The following SPHKAP variants were observed in gnomAD, a reference collection of about 807,000 sequenced individuals.
SPHKAP encodes the protein SPHK1 interactor, AKAP domain containing.
In SPHKAP, 67 loss-of-function variants were observed where a neutral mutation model predicts 137.5. The observed-to-expected ratio is 0.49, with a 90% CI of 0.40 to 0.60. SPHKAP has a LOEUF of 0.60. Ranked by LOEUF, SPHKAP falls within the 20% of genes least tolerant of loss-of-function variation. The pLI, the probability that SPHKAP is intolerant of heterozygous loss-of-function variation, is 0.00. For synonymous variants in SPHKAP, 813 were observed against 785.3 expected (o/e 1.04, Z -0.59); for missense variants, 2,097 against 2,069.3 (o/e 1.01, Z -0.26).
At chr2:227,983,267 T>C (rs938876700) in intron 11 of SPHKAP, among the ~76,000 whole-genome samples, 1 of 152,200 alleles carries the variant, frequency 6.6e-6, no homozygotes, top group African/African-American at 2.4e-5. Flanking sequence ...ATGTTTCTTC[T>C]CCCAGCTGTG....
chr2:228,027,985 A>C, intron 3 of SPHKAP: 1 of 981,688 alleles, frequency 1.0e-6, no homozygotes, highest in Non-Finnish European at 1.2e-6. Context: ...AAGAAAAAAG[A>C]AAAAAAGAAA....
Position 228,031,685 on chromosome 2 carries a change from C to A in SPHKAP, c.247-4142G>T, listed in dbSNP as rs150856166. 3.3e-4 allele frequency among the ~76,000 whole-genome samples: 51 copies of A among 152,322 alleles called. No individual in the cohort carries two copies. In the East Asian group the frequency reaches 6.2e-3, roughly 18 times the overall value. ...GAGACAAAACTTCTAGAAGAACGAT[C>A]AGGCAGCAGCATTTGCAGTTCACCA... On this transcript the variant is annotated intron_variant, in intron 3 of 11. Transcript: ENST00000392056.
At chr2:228,031,284 G>A (rs1045624074) in intron 3 of SPHKAP, among the ~76,000 whole-genome samples, 12 of 152,172 alleles carry the variant, frequency 7.9e-5, no homozygotes, top group African/African-American at 2.4e-5. Flanking sequence ...ACAGCAGTCT[G>A]AGATCAAACT....
intron 11 of SPHKAP, among the ~76,000 whole-genome samples, chr2:227,988,311 T>C (rs1423782829): frequency 6.6e-6 from 1 of 152,240 alleles, no homozygotes; most frequent in Non-Finnish European, 1.5e-5. Context: ...TTACATTATT[T>C]AGAATTAAGT....
intron 1 of SPHKAP, among the ~76,000 whole-genome samples, chr2:228,137,068 G>T (rs1049614026): frequency 5.3e-5 from 8 of 151,900 alleles, no homozygotes; most frequent in African/African-American, 1.7e-4. Flanking sequence ...CTCCTGCCTC[G>T]TTCCCACCCA....
intron 1 of SPHKAP, among the ~76,000 whole-genome samples, chr2:228,171,639 A>G (rs1700587441): frequency 6.6e-6 from 1 of 152,150 alleles, no homozygotes; most frequent in South Asian, 2.1e-4. Context: ...TGGAATGAGT[A>G]TCAACTTCCT....
rs4356657 is a variant in SPHKAP, at chr2:228,076,406, T to C, written c.246+32426A>G. Among the ~76,000 whole-genome samples, 1,193 of 152,244 alleles carry C rather than the reference T, an allele frequency of 7.8e-3. 15 individuals carry two copies. Among genetic ancestry groups the C allele is most frequent in the Admixed American group, 0.027 (411 of 15,280 alleles). ...AAGAAGACAGGAAAATGTGGGAAAG[T>C]TTGGAACTCCCTAGAGACTTGTTGA... On this transcript the variant is annotated intron_variant, in intron 3 of 11. Transcript: ENST00000392056.
chr2:228,148,525 G>A (rs1229804694), intron 1 of SPHKAP, among the ~76,000 whole-genome samples: 5 of 152,126 alleles, frequency 3.3e-5, no homozygotes, highest in Admixed American at 2.0e-4. Context: ...AAACAAGGAC[G>A]CTTGCAAGGA....
intron 2 of SPHKAP, among the ~76,000 whole-genome samples, chr2:228,111,411 T>A (rs1398956363): frequency 6.6e-6 from 1 of 152,128 alleles, no homozygotes; most frequent in East Asian, 1.9e-4. Flanking sequence ...CTCTCAGAAC[T>A]TGGGTTTTAC....
chr2:228,171,029 C>T (rs1007457876), intron 1 of SPHKAP, among the ~76,000 whole-genome samples: 3 of 151,996 alleles, frequency 2.0e-5, no homozygotes, highest in Non-Finnish European at 4.4e-5. Context: ...GAATTTGTTT[C>T]TAGGACTTCT....
intron 1 of SPHKAP, among the ~76,000 whole-genome samples, chr2:228,148,433 A>C (rs765909157): frequency 6.6e-6 from 1 of 152,182 alleles, no homozygotes; most frequent in Non-Finnish European, 1.5e-5. Flanking sequence ...AGGATCGGGA[A>C]TTGGCCACAG....
intron 2 of SPHKAP, among the ~76,000 whole-genome samples, chr2:228,114,779 TCTC>T (rs1182879830): frequency 6.6e-6 from 1 of 152,180 alleles, no homozygotes; most frequent in African/African-American, 2.4e-5. Context: ...TCATTTTTCT[TCTC>T]CTACTTCTCT....
intron 2 of SPHKAP, among the ~76,000 whole-genome samples, chr2:228,109,747 C>A (rs1334957132): frequency 1.3e-5 from 2 of 151,842 alleles, no homozygotes; most frequent in Non-Finnish European, 2.9e-5. Flanking sequence ...GGGTGGATCA[C>A]CTGAGGTCAG....
intron 3 of SPHKAP, among the ~76,000 whole-genome samples, chr2:228,036,939 C>T (rs547918358): frequency 3.3e-5 from 5 of 151,888 alleles, no homozygotes; most frequent in African/African-American, 7.2e-5. Flanking sequence ...TGCTAAGTGA[C>T]GAGTTAATGG....
chr2:228,116,927 A>AT (rs1466822972), intron 2 of SPHKAP, among the ~76,000 whole-genome samples: 2 of 151,968 alleles, frequency 1.3e-5, no homozygotes, highest in Non-Finnish European at 1.5e-5. Flanking sequence ...TGATGCACAC[A>AT]TTTTTTTCAT....
chr2:228,016,143 T>G (rs1694579442), intron 7 of SPHKAP, among the ~76,000 whole-genome samples: 1 of 152,110 alleles, frequency 6.6e-6, no homozygotes, highest in African/African-American at 2.4e-5. Context: ...CTATCATAAA[T>G]GCATATTAAC....
At chr2:228,126,048 C>A (rs781173976) in intron 2 of SPHKAP, among the ~76,000 whole-genome samples, 8 of 152,118 alleles carry the variant, frequency 5.3e-5, no homozygotes, top group Non-Finnish European at 1.2e-4. Flanking sequence ...CAACTGCACA[C>A]CAGCCTGGGC....
intron 3 of SPHKAP, among the ~76,000 whole-genome samples, chr2:228,090,075 G>A (rs150966296): frequency 1.8e-3 from 275 of 152,288 alleles, no homozygotes; most frequent in African/African-American, 5.9e-3. Flanking sequence ...TGGTAGAGTC[G>A]CCAGCGTCTT....
At chr2:227,999,688 T>C (rs1337189474) in intron 7 of SPHKAP, among the ~76,000 whole-genome samples, 1 of 152,254 alleles carries the variant, frequency 6.6e-6, no homozygotes, top group Admixed American at 6.5e-5. Flanking sequence ...AAATCTCACA[T>C]TCCATGTCAC....
Sources: gnomAD v4.1 joint callset for allele counts (sites outside exome capture counted in the v4.1 genomes callset) on GRCh38, gnomAD v4.1.1 for gene constraint, MANE v1.5 for transcripts, NCBI Gene and HGNC (gene_info 2026-07-23, HGNC 2026-07-21) for gene names.